SPAG9: variants seen among roughly 807,000 people sequenced by gnomAD.
SPAG9 encodes the protein C-Jun-amino-terminal kinase-interacting protein 4.
SPAG9 carries 35 observed loss-of-function variants against 166.5 expected under a neutral mutation model. That is an observed-to-expected ratio of 0.21 (90% CI 0.16 to 0.28). The LOEUF (loss-of-function observed/expected upper bound fraction) is 0.28, where lower values mean the gene tolerates loss of function less well. SPAG9 is among the 10% of genes least tolerant of loss of function. The pLI is 1.00. For missense variants in SPAG9, 1,235 were observed against 1,603.3 expected (o/e 0.77, Z 3.92); for synonymous variants, 534 against 565.5 (o/e 0.94, Z 0.79).
Position 50,993,882 on chromosome 17 carries a change from G to A in SPAG9, c.2280C>T (p.Ile760=), listed in dbSNP as rs761685502. Residue 760 remains isoleucine (I), a synonymous_variant, in exon 19 of 30, where the codon ATC becomes ATT. Coordinates refer to ENST00000262013, the MANE Select transcript of SPAG9 (RefSeq NM_001130528.3). ...NQEELSSLVW[I]CTSTHSATKV... ...TTGTAGCCGAATGAGTGCTGGTACA[G>A]ATCCAAACTAGACTGGATAATTCTT... is the stretch of plus-strand genomic sequence containing the variant. The A allele has an allele frequency of 5.6e-6, 9 of 1,614,154 alleles. No homozygotes were observed. Among genetic ancestry groups the A allele is most frequent in the Non-Finnish European group, 7.6e-6 (9 of 1,179,996 alleles).
At chr17:51,081,319 C>A (rs2048156946) in intron 1 of SPAG9, among the ~76,000 whole-genome samples, 2 of 152,104 alleles carry the variant, frequency 1.3e-5, no homozygotes, top group Admixed American at 6.6e-5. Context: ...GGCGTGGTGG[C>A]AGGCTCCTGT....
chr17:51,120,147 A>G lies in SPAG9; in HGVS notation c.303+207T>C, dbSNP rs982928469. Among the ~76,000 whole-genome samples, 7 of 152,100 alleles carry G rather than the reference A, an allele frequency of 4.6e-5. No homozygotes were observed. The highest frequency in any genetic ancestry group is 2.0e-4 in the Admixed American group (3 of 15,280). On this transcript the variant is annotated intron_variant, in intron 1 of 29. Coordinates refer to ENST00000262013, the MANE Select transcript of SPAG9 (RefSeq NM_001130528.3). The surrounding 1 kb of genome is among the most constrained non-coding windows in gnomAD (Gnocchi z 4.7). ...GCCTCCTCCATCTCGCTCCCTTCCC[A>G]GGACACTCAGTAGCCGGCCTCGGCT...
At chr17:51,069,610 AT>A (rs2047767298) in intron 2 of SPAG9, among the ~76,000 whole-genome samples, 1 of 152,140 alleles carries the variant, frequency 6.6e-6, no homozygotes, top group African/African-American at 2.4e-5. Context: ...ATTAAATAAA[AT>A]TTAAACATTC....
rs117586930 is a variant in SPAG9, at chr17:51,066,417, A to G, written c.425-9935T>C. On this transcript the variant is annotated intron_variant, in intron 2 of 29. Transcript: ENST00000262013. The stretch of plus-strand genomic sequence containing the variant: ...TGAGCCATTGCCTCCAGTCCCCATT[A>G]TGTTTTAAAAATAGTTTACTTCGGC... Among the ~76,000 whole-genome samples the G allele has an allele frequency of 3.9e-3, 597 of 151,828 alleles. 10 individuals are homozygous for G. In the East Asian group the frequency reaches 0.043, roughly 11 times the overall value.
intron 4 of SPAG9, chr17:51,046,897 C>T: frequency 2.6e-6 from 4 of 1,513,984 alleles, no homozygotes; most frequent in Non-Finnish European, 3.5e-6. Context: ...CAAGCGACAG[C>T]CAGCCTATTA....
chr17:51,015,050 C>T (rs1381958096), intron 8 of SPAG9, among the ~76,000 whole-genome samples: 4 of 151,398 alleles, frequency 2.6e-5, no homozygotes, highest in Non-Finnish European at 4.4e-5. Context: ...AGAAGCTCAA[C>T]TAAAATGAAA....
chr17:51,051,043 AC>A (rs1474081031), intron 3 of SPAG9, among the ~76,000 whole-genome samples: 1 of 149,896 alleles, frequency 6.7e-6, no homozygotes, highest in Non-Finnish European at 1.5e-5. Flanking sequence ...TAAAAAAAAA[AC>A]AAAAAGAAAA....
At chr17:51,103,807 T>C (rs1448926853) in intron 1 of SPAG9, among the ~76,000 whole-genome samples, 1 of 152,182 alleles carries the variant, frequency 6.6e-6, no homozygotes, top group Non-Finnish European at 1.5e-5. Context: ...TTGGCCATAC[T>C]GGAAGCAGAA....
intron 4 of SPAG9, chr17:51,047,000 G>C (rs2050830775): frequency 5.5e-6 from 7 of 1,266,356 alleles, no homozygotes; most frequent in South Asian, 3.1e-5. Flanking sequence ...ACACCAAACA[G>C]ATGGCTAGCT....
intron 1 of SPAG9, among the ~76,000 whole-genome samples, chr17:51,117,904 C>T (rs999990118): frequency 2.6e-5 from 4 of 151,346 alleles, no homozygotes; most frequent in Admixed American, 2.0e-4. Context: ...GAGGCTGAGG[C>T]GAGTGGATTG....
At chr17:51,054,442 CTT>C (rs1425151006) in intron 3 of SPAG9, among the ~76,000 whole-genome samples, 1 of 132,768 alleles carries the variant, frequency 7.5e-6, no homozygotes, top group Non-Finnish European at 1.6e-5. Flanking sequence ...GTTTTTTTGG[CTT>C]TTTTTTTTTT....
rs1290759169 is a variant in SPAG9 at position 51,120,677 on chromosome 17, G to A, written c.-21C>T. On this transcript the variant is annotated 5_prime_UTR_variant, in exon 1 of 30. Transcript: ENST00000262013. This position sits in a 1 kb window ranked among gnomAD's most constrained non-coding sequence, Gnocchi z 4.7. ...TCCATGGTGGCAAGCGGACGGGCGG[G>A]CGGCCCGGGGCGTCGCCGGCAGAGG... The A allele has an allele frequency of 1.2e-5, 19 of 1,545,686 alleles. No individual in the cohort carries two copies. The highest frequency in any genetic ancestry group is 1.7e-5 in the Non-Finnish European group (19 of 1,146,990).
At chr17:51,099,099 C>CAA (rs35291018) in intron 1 of SPAG9, among the ~76,000 whole-genome samples, 46 of 45,846 alleles carry the variant, frequency 1.0e-3, no homozygotes, top group South Asian at 2.4e-3. Flanking sequence ...GACTCCGTCT[C>CAA]AAAAAAAAAA....
intron 27 of SPAG9, 37 bp from the exon 28 acceptor site, chr17:50,974,984 T>C (rs1286246616): frequency 6.3e-7 from 1 of 1,584,884 alleles, no homozygotes; most frequent in African/African-American, 1.4e-5. Flanking sequence ...TATTTTCCCC[T>C]AGAAAACAGT....
intron 9 of SPAG9, among the ~76,000 whole-genome samples, chr17:51,010,622 C>T (rs1163181999): frequency 6.8e-6 from 1 of 148,148 alleles, no homozygotes; most frequent in South Asian, 2.1e-4. Flanking sequence ...TGTATACACA[C>T]ACACATTTAG....
At chr17:51,084,318 A>AT (rs1405046999) in intron 1 of SPAG9, 1 of 152,080 alleles carries the variant, frequency 6.6e-6, no homozygotes, top group Non-Finnish European at 1.5e-5. Flanking sequence ...AAATGTAATT[A>AT]TTTTTTGGCC....
chr17:51,118,561 T>C (rs752588721), intron 1 of SPAG9, among the ~76,000 whole-genome samples: 12 of 152,188 alleles, frequency 7.9e-5, no homozygotes, highest in Non-Finnish European at 1.5e-4. Flanking sequence ...TGTGTACATG[T>C]GGTTAATTCC....
chr17:51,110,663 T>G (rs981625582), intron 1 of SPAG9, among the ~76,000 whole-genome samples: 1 of 151,174 alleles, frequency 6.6e-6, no homozygotes, highest in Non-Finnish European at 1.5e-5. Flanking sequence ...CACTCCAACC[T>G]GGGCCAGACC....
At chr17:51,059,654 A>G (rs143337973) in intron 2 of SPAG9, among the ~76,000 whole-genome samples, 7,271 of 152,084 alleles carry the variant, frequency 0.048, 519 homozygotes, top group African/African-American at 0.16. Flanking sequence ...TGGGAGGCTG[A>G]GGCAGGAGAA....
Sources: allele counts gnomAD v4.1 joint callset (sites outside exome capture counted in the v4.1 genomes callset), GRCh38; gene constraint gnomAD v4.1.1; non-coding constraint Gnocchi (gnomAD v3.1); transcripts MANE v1.5; gene names NCBI Gene and HGNC (gene_info 2026-07-23, HGNC 2026-07-21).